Variants in PAM observed in about 807,000 individuals in gnomAD.
The protein encoded by PAM is peptidyl-glycine alpha-amidating monooxygenase.
Under a neutral mutation model 122.1 loss-of-function variants are expected in PAM, and 72 were observed. The ratio of observed to expected loss-of-function variants is 0.59; its 90% CI spans 0.49 to 0.72. The LOEUF is 0.72. Ranked by LOEUF, PAM falls within the 30% of genes least tolerant of loss-of-function variation. The pLI is 0.00. For synonymous variants in PAM, 389 were observed against 404.4 expected (o/e 0.96, Z 0.46); for missense variants, 1,106 against 1,183.7 (o/e 0.93, Z 0.96).
At chr5:103,000,776 G>T (rs1777136132) in intron 16 of PAM, among the ~76,000 whole-genome samples, 1 of 152,054 alleles carries the variant, frequency 6.6e-6, no homozygotes, top group Non-Finnish European at 1.5e-5. Context: ...AAAACTATCA[G>T]ATCTCATGAG....
At chr5:102,803,365 C>T (rs553498385) in intron 1 of PAM, among the ~76,000 whole-genome samples, 3 of 152,092 alleles carry the variant, frequency 2.0e-5, no homozygotes, top group East Asian at 1.9e-4. Context: ...TTCCATCCCT[C>T]GTAAGTTGCC....
At chr5:103,001,460 A>C (rs2150982038) in intron 16 of PAM, among the ~76,000 whole-genome samples, 1 of 152,182 alleles carries the variant, frequency 6.6e-6, no homozygotes, top group African/African-American at 2.4e-5. Context: ...CCATTTCATA[A>C]ATTTATTTTT....
rs115137430 is a variant in PAM, at chr5:102,887,187, G to A, written c.211-14169G>A. Among the ~76,000 whole-genome samples, 788 of 152,136 alleles carry A rather than the reference G, an allele frequency of 5.2e-3. 8 individuals are homozygous for A. Among genetic ancestry groups the A allele is most frequent in the African/African-American group, 0.018 (744 of 41,540 alleles). ...GTTGGGAGATGGGGATGTTTGGGCCGTGGAGGCAGATCTCTCATGAATAGA... is the reference window on the plus strand; with the variant it reads ...GTTGGGAGATGGGGATGTTTGGGCCATGGAGGCAGATCTCTCATGAATAGA... On this transcript the variant is annotated intron_variant, in intron 3 of 25. Transcript: ENST00000438793.
intron 4 of PAM, among the ~76,000 whole-genome samples, chr5:102,907,779 A>C (rs1207919358): frequency 6.6e-6 from 1 of 152,078 alleles, no homozygotes; most frequent in Non-Finnish European, 1.5e-5. Flanking sequence ...TCTTTTGAGA[A>C]GTGTCTGTTC....
chr5:103,023,385 G>A (rs182797993), intron 23 of PAM, among the ~76,000 whole-genome samples: 68 of 151,912 alleles, frequency 4.5e-4, no homozygotes, highest in Non-Finnish European at 8.1e-4. Context: ...GTTCTTAAAT[G>A]CCAACCTACA....
At chr5:102,949,769 G>A in intron 10 of PAM, 133 bp from the exon 11 acceptor site, 3 of 681,202 alleles carry the variant, frequency 4.4e-6, no homozygotes, top group Non-Finnish European at 7.8e-6. Flanking sequence ...TTATCATATT[G>A]TTTTTTTAAG....
chr5:102,787,409 A>G (rs778377551), intron 1 of PAM, among the ~76,000 whole-genome samples: 1 of 152,020 alleles, frequency 6.6e-6, no homozygotes, highest in Non-Finnish European at 1.5e-5. Flanking sequence ...CAGGAAATCT[A>G]TCCCAACTAT....
chr5:103,012,626 G>A (rs535169757), intron 21 of PAM, among the ~76,000 whole-genome samples: 3 of 152,080 alleles, frequency 2.0e-5, no homozygotes, highest in East Asian at 1.9e-4. Flanking sequence ...AGGCTGAGAC[G>A]GGCAGATCAT....
intron 1 of PAM, among the ~76,000 whole-genome samples, chr5:102,816,905 T>A (rs1273778481): frequency 6.6e-6 from 1 of 152,152 alleles, no homozygotes; most frequent in African/African-American, 2.4e-5. Flanking sequence ...ATATTTCTGC[T>A]TGGGGTATCT....
At chr5:102,805,863 G>GC (rs1195053100) in intron 1 of PAM, among the ~76,000 whole-genome samples, 1 of 152,106 alleles carries the variant, frequency 6.6e-6, no homozygotes, top group Non-Finnish European at 1.5e-5. Context: ...GATAAATTAG[G>GC]CCTCTTTTCT....
intron 2 of PAM, 61 bp from the exon 3 acceptor site, chr5:102,867,212 T>G: frequency 1.7e-6 from 2 of 1,168,572 alleles, no homozygotes; most frequent in Non-Finnish European, 2.5e-6. Flanking sequence ...TCTTTCCCCT[T>G]CTCATGTTGA....
chr5:102,897,286 G>A (rs987727138), intron 3 of PAM, among the ~76,000 whole-genome samples: 1 of 151,410 alleles, frequency 6.6e-6, no homozygotes, highest in African/African-American at 2.4e-5. Flanking sequence ...ACACAATCAG[G>A]GGTTGGTATA....
At chr5:102,911,560 G>T (rs1360944411) in intron 4 of PAM, among the ~76,000 whole-genome samples, 1 of 151,866 alleles carries the variant, frequency 6.6e-6, no homozygotes, top group Non-Finnish European at 1.5e-5. Context: ...ATTAAGATTT[G>T]CCCAGTTTAC....
At chr5:102,946,811 A>C in intron 7 of PAM, 26 bp from the exon 8 acceptor site, 1 of 1,421,380 alleles carries the variant, frequency 7.0e-7, no homozygotes, top group Non-Finnish European at 9.9e-7. Context: ...CATATTTAAG[A>C]TATGTGTTTC....
rs375491118 is a variant in PAM, at chr5:103,028,932, G to A, written c.2789G>A (p.Arg930His). The A allele has an allele frequency of 2.2e-5, 35 of 1,612,594 alleles. No homozygotes were observed. In the East Asian group the frequency reaches 2.5e-4, roughly 11 times the overall value. ...AACCTTGGTAATTTCTTTGCAAGCC[G>A]TAAGGGCTACAGTCGAAAAGGGTTT... ...GLNLGNFFAS[R>H]KGYSRKGFDR... is the part of the protein sequence containing the mutation. The change falls in exon 26 of 26, where the codon CGT becomes CAT. Residue 930 changes from arginine to histidine, a missense_variant. Around this residue, in one of 3 missense-constraint regions of PAM, gnomAD observed 333 missense variants for 335.6 expected, o/e 0.99. Transcript: ENST00000438793.
chr5:102,793,283 C>G (rs1368496278), intron 1 of PAM, among the ~76,000 whole-genome samples: 1 of 151,952 alleles, frequency 6.6e-6, no homozygotes, highest in Non-Finnish European at 1.5e-5. Flanking sequence ...AACCCCTGCA[C>G]TTTGGCAGAT....
intron 1 of PAM, among the ~76,000 whole-genome samples, chr5:102,849,638 G>T (rs7712266): frequency 6.6e-6 from 1 of 151,528 alleles, no homozygotes; most frequent in Non-Finnish European, 1.5e-5. Context: ...TCAGTGGAGA[G>T]CATTAGTTAT....
intron 7 of PAM, among the ~76,000 whole-genome samples, chr5:102,945,366 T>C (rs946133887): frequency 9.2e-5 from 14 of 151,872 alleles, no homozygotes; most frequent in African/African-American, 3.4e-4. Flanking sequence ...ATTTGACAAA[T>C]TTGGCATGTG....
At chr5:102,816,766 C>G (rs1393058663) in intron 1 of PAM, among the ~76,000 whole-genome samples, 1 of 152,126 alleles carries the variant, frequency 6.6e-6, no homozygotes, top group Non-Finnish European at 1.5e-5. Context: ...ACTTTCTTCT[C>G]TATTAAAACT....
Sources: gnomAD v4.1 joint callset for allele counts (sites outside exome capture counted in the v4.1 genomes callset) on GRCh38, gnomAD v4.1.1 for gene constraint, gnomAD v4.1.1 regional missense constraint, MANE v1.5 for transcripts, NCBI Gene and HGNC (gene_info 2026-07-23, HGNC 2026-07-21) for gene names.